Variants in EPHB6 observed in about 807,000 individuals in gnomAD.
The protein encoded by EPHB6 is EPH receptor B6.
EPHB6 carries 51 observed loss-of-function variants against 107.0 expected under a neutral mutation model. That is an observed-to-expected ratio of 0.48 (90% CI 0.38 to 0.60). The LOEUF is 0.60. EPHB6 is among the 20% of genes least tolerant of loss of function. The pLI is 0.00. For missense variants in EPHB6, 1,141 were observed against 1,355.5 expected (o/e 0.84, Z 2.48); for synonymous variants, 553 against 549.0 (o/e 1.01, Z -0.10).
chr7:142,864,136 G>A lies in EPHB6; in HGVS notation c.336G>A (p.Arg112=). ...RAHIRLHFSV[R]ACSSLGVSGG... is the part of the protein sequence containing the mutation. The stretch of plus-strand genomic sequence containing the variant: ...ACATTCGACTCCACTTCTCTGTGCG[G>A]GCATGCTCCAGCCTGGGTGTGAGCG... Residue 112 remains arginine (R), a synonymous_variant, in exon 7 of 20, where the codon CGG becomes CGA. Coordinates refer to ENST00000652003, the MANE Select transcript of EPHB6 (RefSeq NM_004445.6). 6.2e-7 allele frequency: 1 copy of A among 1,614,030 alleles called. No homozygotes were observed. The highest frequency in any genetic ancestry group is 8.5e-7 in the Non-Finnish European group (1 of 1,180,040).
intron 2 of EPHB6, 165 bp from the exon 3 acceptor site, chr7:142,861,852 C>T (rs989585341): frequency 6.6e-6 from 1 of 152,166 alleles, no homozygotes; most frequent in Non-Finnish European, 1.5e-5. Flanking sequence ...AATTGTCCTC[C>T]CAAGAGAATA....
chr7:142,868,001 C>T lies in EPHB6; in HGVS notation c.1870C>T (p.Arg624Trp), dbSNP rs374125124. 122 of 1,576,674 alleles carry T rather than the reference C, an allele frequency of 7.7e-5. No individual in the cohort carries two copies. Among genetic ancestry groups the T allele is most frequent in the Admixed American group, 1.3e-4 (7 of 54,432 alleles). Reference protein sequence around the residue: ...TVLAVVFQRKRRGTGYTEQLQ... With the variant: ...TVLAVVFQRKWRGTGYTEQLQ... Reference sequence around the variant, plus strand: ...AGTCACCGTTTTGTTCCTCAGGAAGCGGCGTGGGACTGGCTACACAGAGCA... The same window carrying T: ...AGTCACCGTTTTGTTCCTCAGGAAGTGGCGTGGGACTGGCTACACAGAGCA... Residue 624 changes from arginine (R) to tryptophan (W), a missense_variant, in exon 13 of 20, where the codon CGG becomes TGG. Transcript: ENST00000652003. The surrounding 1 kb of genome is among the most constrained non-coding windows in gnomAD (Gnocchi z 4.2).
In EPHB6 at chr7:142,867,188, G is replaced by A; in HGVS notation, c.1750+120G>A. 7.5e-7 allele frequency: 1 copy of A among 1,325,712 alleles called. No homozygotes were observed. Among genetic ancestry groups the A allele is most frequent in the South Asian group, 1.4e-5 (1 of 71,368 alleles). 82.1% of individuals were successfully genotyped at this position (1,325,712 alleles called of 1,614,324 possible). A position where few individuals can be genotyped will look rare whatever the true frequency, so the allele number is the denominator to read the frequency against. On this transcript the variant is annotated intron_variant, in intron 11 of 19. Coordinates refer to ENST00000652003, the MANE Select transcript of EPHB6 (RefSeq NM_004445.6). This position sits in a 1 kb window ranked among gnomAD's most constrained non-coding sequence, Gnocchi z 5.3. ...TGCTTCCCAACCAGAAGTTCTGTGG[G>A]AAAGGAGAGTGCCTTTTGCTCAGCA...
chr7:142,866,294 CA>C lies in EPHB6; in HGVS notation c.1442del (p.Asn481MetfsTer18). ...CTGACCCTCCTCAGGCTGCAGCCAT[CA>C]ATGTCAGCACCAGCCATGAAGGTGA... The part of the protein sequence containing the change: ...SPDPPQAAAI[N>X]VSTSHEVPSA... On this transcript the variant is annotated frameshift_variant, in exon 9 of 20. Coordinates refer to ENST00000652003, the MANE Select transcript of EPHB6 (RefSeq NM_004445.6). LOFTEE classifies it high-confidence loss of function. The surrounding 1 kb of genome is among the most constrained non-coding windows in gnomAD (Gnocchi z 5.2). 6.2e-7 allele frequency: 1 copy of C among 1,614,006 alleles called. No individual in the cohort carries two copies. Among genetic ancestry groups the C allele is most frequent in the East Asian group, 2.2e-5 (1 of 44,866 alleles).
In EPHB6 at chr7:142,855,454, A is replaced by C. The variant is rs1299457030; in HGVS notation, c.-432+69A>C. 2 of 152,200 alleles carry C rather than the reference A, an allele frequency of 1.3e-5. No individual in the cohort carries two copies. Among genetic ancestry groups the C allele is most frequent in the African/African-American group, 4.8e-5 (2 of 41,416 alleles). The allele number at this position is 152,200 out of a possible 1,614,324, so 9.4% of individuals were successfully genotyped here. A position where few individuals can be genotyped will look rare whatever the true frequency, so the allele number is the denominator to read the frequency against. Reference sequence around the variant, plus strand: ...CAGTATGCTTGGGGACAGAGGAATTAAGGTTTGCAAGAGTAGTGGGGCTCC... The same window carrying C: ...CAGTATGCTTGGGGACAGAGGAATTCAGGTTTGCAAGAGTAGTGGGGCTCC... On this transcript the variant is annotated intron_variant, in intron 1 of 19. Transcript: ENST00000652003. This position sits in a 1 kb window ranked among gnomAD's most constrained non-coding sequence, Gnocchi z 4.2.
At chr7:142,860,750 C>T (rs376415880) in intron 1 of EPHB6, among the ~76,000 whole-genome samples, 10 of 152,100 alleles carry the variant, frequency 6.6e-5, no homozygotes, top group African/African-American at 2.4e-4. Flanking sequence ...TGGCAGGTGC[C>T]CACTCTACAT....
Position 142,865,547 on chromosome 7 carries a change from C to T in EPHB6, c.1022C>T (p.Ala341Val). The T allele has an allele frequency of 6.2e-7, 1 of 1,613,668 alleles. No homozygotes were observed. The highest frequency in any genetic ancestry group is 8.5e-7 in the Non-Finnish European group (1 of 1,179,998). The change falls in exon 8 of 20, where the codon GCT (alanine) becomes GTT (valine). Residue 341 changes from alanine (A) to valine (V), a missense_variant. By Grantham distance (64) the Ala-to-Val change is moderately conservative. Transcript: ENST00000652003. ...TCACCATGCCCTGCCCGCAGTCACGCTCCCAACCCAGCAGCCCCCGTTTGC... is the reference window on the plus strand; with the variant it reads ...TCACCATGCCCTGCCCGCAGTCACGTTCCCAACCCAGCAGCCCCCGTTTGC... The part of the protein sequence containing the change: ...PCSPCPARSH[A>V]PNPAAPVCPC...
rs1026801881 is a variant in EPHB6 at position 142,855,173 on chromosome 7, C to G, written c.-644C>G. 1.3e-5 allele frequency: 2 copies of G among 151,900 alleles called. No homozygotes were observed. Among genetic ancestry groups the G allele is most frequent in the African/African-American group, 4.8e-5 (2 of 41,326 alleles). The allele number at this position is 151,900 out of a possible 1,614,324, so 9.4% of individuals were successfully genotyped here. A position where few individuals can be genotyped will look rare whatever the true frequency, so the allele number is the denominator to read the frequency against. ...ATCTCGACGCGGGCCCCCAGGATCT[C>G]CCGGCGCCCCACCTCTGGAGCAGCC... On this transcript the variant is annotated 5_prime_UTR_variant, in exon 1 of 20. Transcript: ENST00000652003. This position sits in a 1 kb window ranked among gnomAD's most constrained non-coding sequence, Gnocchi z 4.2.
At chr7:142,863,565 T>A (rs1802953307) in intron 5 of EPHB6, 66 bp from the exon 6 acceptor site, 3 of 1,564,996 alleles carry the variant, frequency 1.9e-6, no homozygotes, top group Non-Finnish European at 1.8e-6. Flanking sequence ...GCGGTGGGAA[T>A]AGAGTAGGGG....
Position 142,870,367 on chromosome 7 carries a change from A to G in EPHB6, c.2764A>G (p.Lys922Glu), listed in dbSNP as rs777326326. ...GGCTGCATTTGACAAGATGATCCGCAAGCCAGATACCCTGCAGGCTGGCGG... is the reference window on the plus strand; with the variant it reads ...GGCTGCATTTGACAAGATGATCCGCGAGCCAGATACCCTGCAGGCTGGCGG... ...LVAAFDKMIR[K>E]PDTLQAGGDP... The change falls in exon 18 of 20, where the codon AAG becomes GAG. Residue 922 changes from lysine to glutamate, a missense_variant. Around this residue, in one of 3 missense-constraint regions of EPHB6, gnomAD observed 616 missense variants for 759.3 expected, o/e 0.81. Coordinates refer to ENST00000652003, the MANE Select transcript of EPHB6 (RefSeq NM_004445.6). 6.2e-7 allele frequency: 1 copy of G among 1,614,198 alleles called. No homozygotes were observed.
In EPHB6 at chr7:142,866,354, C is replaced by G. The variant is rs1307200602; in HGVS notation, c.1462+38C>G. 1 of 1,612,786 alleles carries G rather than the reference C, an allele frequency of 6.2e-7. No homozygotes were observed. Among genetic ancestry groups the G allele is most frequent in the Admixed American group, 1.7e-5 (1 of 60,026 alleles). On this transcript the variant is annotated intron_variant, in intron 9 of 19. Coordinates refer to ENST00000652003, the MANE Select transcript of EPHB6 (RefSeq NM_004445.6). The surrounding 1 kb of genome is among the most constrained non-coding windows in gnomAD (Gnocchi z 5.2). ...CCTTGGCCTTCAGGATCCCCTGCCT[C>G]CGCTCCTTTGAGCCCCCTTCCCTAC...
Position 142,869,315 on chromosome 7 carries a change from C to T in EPHB6, c.2460+168C>T, listed in dbSNP as rs985137200. 5.3e-5 allele frequency among the ~76,000 whole-genome samples: 8 copies of T among 151,988 alleles called. No homozygotes were observed. Among genetic ancestry groups the T allele is most frequent in the African/African-American group, 1.7e-4 (7 of 41,362 alleles). Reference sequence around the variant, plus strand: ...GATGGGGAGATGAAAGCCTAGGCGACGGGGTTTGAGGGATTTCAGGGACCG... The same window carrying T: ...GATGGGGAGATGAAAGCCTAGGCGATGGGGTTTGAGGGATTTCAGGGACCG... On this transcript the variant is annotated intron_variant, in intron 16 of 19. Transcript: ENST00000652003. The surrounding 1 kb of genome is among the most constrained non-coding windows in gnomAD (Gnocchi z 4.5).
In EPHB6 at chr7:142,866,041, T is replaced by TG. The variant is rs776486116; in HGVS notation, c.1193dup (p.Arg399SerfsTer14). 1.2e-6 allele frequency: 2 copies of TG among 1,613,012 alleles called. No individual in the cohort carries two copies. Among genetic ancestry groups the TG allele is most frequent in the South Asian group, 1.1e-5 (1 of 90,884 alleles). On this transcript the variant is annotated frameshift_variant, in exon 9 of 20. Coordinates refer to ENST00000652003, the MANE Select transcript of EPHB6 (RefSeq NM_004445.6). LOFTEE classifies it high-confidence loss of function. The surrounding 1 kb of genome is among the most constrained non-coding windows in gnomAD (Gnocchi z 5.2). ...CTACACTGGCGCCTGCCTCGGGAGC[T>TG]GGGGGGTCGAGGGGACCTGCTCTTC...
rs2116448032 is a variant in EPHB6, at chr7:142,866,433, G to A, written c.1463-48G>A. 1 of 1,613,278 alleles carries A rather than the reference G, an allele frequency of 6.2e-7. No individual in the cohort carries two copies. Among genetic ancestry groups the A allele is most frequent in the Non-Finnish European group, 8.5e-7 (1 of 1,179,978 alleles). On this transcript the variant is annotated intron_variant, in intron 9 of 19. Transcript: ENST00000652003. This position sits in a 1 kb window ranked among gnomAD's most constrained non-coding sequence, Gnocchi z 5.2. ...CCGCCCTCCCCTCAAGGCTGATCCTGCTCCCAGGGACTCCTATCCCCATAA... is the reference window on the plus strand; with the variant it reads ...CCGCCCTCCCCTCAAGGCTGATCCTACTCCCAGGGACTCCTATCCCCATAA...
chr7:142,866,622 GGGGTTCCGCAGTAGGGCTGGTA>G lies in EPHB6; in HGVS notation c.1587+20_1587+41del. On this transcript the variant is annotated intron_variant, in intron 10 of 19. Coordinates refer to ENST00000652003, the MANE Select transcript of EPHB6 (RefSeq NM_004445.6). The surrounding 1 kb of genome is among the most constrained non-coding windows in gnomAD (Gnocchi z 5.2). ...TATGACCAGGTGCGCAGGAGGAGTG[GGGGTTCCGCAGTAGGGCTGGTA>G]GGAGCTCATAGGCCTCACAGTGGGG... The G allele has an allele frequency of 6.2e-7, 1 of 1,613,796 alleles. No homozygotes were observed. The highest frequency in any genetic ancestry group is 1.7e-5 in the Admixed American group (1 of 60,016).
chr7:142,870,106 C>T (rs1794826200), intron 17 of EPHB6, 108 bp from the exon 18 acceptor site: 4 of 1,578,624 alleles, frequency 2.5e-6, no homozygotes, highest in Non-Finnish European at 8.7e-7. Flanking sequence ...GTTCCTTCTC[C>T]ACTCCAACCT....
chr7:142,864,649 C>A lies in EPHB6; in HGVS notation c.849C>A (p.Pro283=), dbSNP rs61732976. Residue 283 remains proline (P), a synonymous_variant, in exon 7 of 20, where the codon CCC becomes CCA. Coordinates refer to ENST00000652003, the MANE Select transcript of EPHB6 (RefSeq NM_004445.6). ...GGGGCCAGGCAGGAGGCAGCCCCCC[C>A]AGGCTGCACTGCAACGGGGAGGGCA... is the stretch of plus-strand genomic sequence containing the variant. ...GVGGQAGGSP[P]RLHCNGEGKW... The A allele has an allele frequency of 1.1e-5, 17 of 1,612,590 alleles. No individual in the cohort carries two copies. Among genetic ancestry groups the A allele is most frequent in the African/African-American group, 6.7e-5 (5 of 74,922 alleles).
chr7:142,862,074 C>T lies in EPHB6; in HGVS notation c.-239C>T, dbSNP rs1802866265. ...CGGCATGGTCAGTTCCTGGCGAAGCCTCTCTTCTAGGTTTCAGACTGCCCT... is the reference window on the plus strand; with the variant it reads ...CGGCATGGTCAGTTCCTGGCGAAGCTTCTCTTCTAGGTTTCAGACTGCCCT... On this transcript the variant is annotated 5_prime_UTR_variant, in exon 3 of 20. Coordinates refer to ENST00000652003, the MANE Select transcript of EPHB6 (RefSeq NM_004445.6). The T allele has an allele frequency of 6.6e-6, 1 of 152,188 alleles. No individual in the cohort carries two copies. Among genetic ancestry groups the T allele is most frequent in the Admixed American group, 6.5e-5 (1 of 15,274 alleles). 9.4% of individuals were successfully genotyped at this position (152,188 alleles called of 1,614,324 possible). A position where few individuals can be genotyped will look rare whatever the true frequency, so the allele number is the denominator to read the frequency against.
rs538788029 is a variant in EPHB6 at position 142,864,627 on chromosome 7, G to A, written c.827G>A (p.Gly276Asp). The A allele has an allele frequency of 3.1e-6, 5 of 1,612,348 alleles. No homozygotes were observed. The highest frequency in any genetic ancestry group is 1.7e-5 in the Admixed American group (1 of 60,016). ...GAGCCAGAGGAGGATGGAGTAGGGG[G>A]CCAGGCAGGAGGCAGCCCCCCCAGG... ...HAEPEEDGVG[G>D]QAGGSPPRLH... Residue 276 changes from glycine (G) to aspartate (D), a missense_variant, in exon 7 of 20, where the codon GGC becomes GAC. Gly to Asp is a moderately conservative substitution (Grantham distance 94). Transcript: ENST00000652003.
Sources: allele counts gnomAD v4.1 joint callset (sites outside exome capture counted in the v4.1 genomes callset), GRCh38; gene constraint gnomAD v4.1.1; regional missense constraint gnomAD v4.1.1; non-coding constraint Gnocchi (gnomAD v3.1); transcripts MANE v1.5; gene names NCBI Gene and HGNC (gene_info 2026-07-23, HGNC 2026-07-21).